The following UNC13B variants were observed in gnomAD, a reference collection of about 807,000 sequenced individuals.
UNC13B encodes the protein unc-13 homolog B.
A neutral mutation model predicts 211.0 loss-of-function variants in UNC13B; 144 were observed. That is an observed-to-expected ratio of 0.68 (90% CI 0.60 to 0.78). The LOEUF (loss-of-function observed/expected upper bound fraction) is 0.78, where lower values mean the gene tolerates loss of function less well. Ranked by LOEUF, UNC13B falls within the 30% of genes least tolerant of loss-of-function variation. The probability of loss-of-function intolerance (pLI) is 0.00; values close to 1 mark genes in which losing one functional copy is unlikely to be tolerated. For missense variants in UNC13B, 1,777 were observed against 2,002.0 expected (o/e 0.89, Z 2.14); for synonymous variants, 709 against 725.8 (o/e 0.98, Z 0.37).
intron 1 of UNC13B, among the ~76,000 whole-genome samples, chr9:35,194,213 A>G (rs1035787621): frequency 4.6e-5 from 7 of 152,180 alleles, no homozygotes; most frequent in Non-Finnish European, 8.8e-5. Context: ...TATCCCCTAC[A>G]ACGTTTCCTG....
intron 11 of UNC13B, among the ~76,000 whole-genome samples, chr9:35,336,043 G>A (rs1396326734): frequency 6.6e-6 from 1 of 151,858 alleles, no homozygotes; most frequent in African/African-American, 2.4e-5. Context: ...TTCTCTGCTT[G>A]CCCCTTAAAA....
intron 6 of UNC13B, among the ~76,000 whole-genome samples, chr9:35,244,482 T>G (rs912027673): frequency 2.6e-5 from 4 of 152,190 alleles, no homozygotes; most frequent in African/African-American, 9.7e-5. Flanking sequence ...ACTGGAAGTC[T>G]GAAATTAGGC....
chr9:35,346,607 A>G (rs1254353093), intron 11 of UNC13B, among the ~76,000 whole-genome samples: 3 of 152,194 alleles, frequency 2.0e-5, no homozygotes, highest in Non-Finnish European at 4.4e-5. Flanking sequence ...TCAAATGCAG[A>G]TAGTCCTTGA....
chr9:35,245,514 A>C (rs2131565912), intron 6 of UNC13B, among the ~76,000 whole-genome samples: 2 of 83,156 alleles, frequency 2.4e-5, no homozygotes, highest in Admixed American at 1.8e-4. Context: ...CCCACCCCAC[A>C]ACAGGCCCCA....
chr9:35,307,471 A>C lies in UNC13B; in HGVS notation c.8067A>C (p.Gln2689His), dbSNP rs1829981517. The change falls in exon 9 of 40, where the codon CAA (glutamine) becomes CAC (histidine). Residue 2689 changes from glutamine (Q) to histidine (H), a missense_variant. Transcript: ENST00000635942. ...EPAIQTASTN[Q>H]DLLELHPASS... ...CTATTCAAACTGCCTCCACAAACCAAGACTTACTGGAGCTGCATCCAGCCA... is the reference window on the plus strand; with the variant it reads ...CTATTCAAACTGCCTCCACAAACCACGACTTACTGGAGCTGCATCCAGCCA... 2.5e-6 allele frequency: 1 copy of C among 399,056 alleles called. No homozygotes were observed. The highest frequency in any genetic ancestry group is 4.4e-6 in the Non-Finnish European group (1 of 226,112). The allele number at this position is 399,056 out of a possible 1,614,324, so 24.7% of individuals were successfully genotyped here. A position where few individuals can be genotyped will look rare whatever the true frequency, so the allele number is the denominator to read the frequency against.
At chr9:35,219,924 T>C (rs1365562030) in intron 1 of UNC13B, among the ~76,000 whole-genome samples, 1 of 152,148 alleles carries the variant, frequency 6.6e-6, no homozygotes, top group East Asian at 1.9e-4. Flanking sequence ...ATGCAGATAT[T>C]CATTCTCTTA....
chr9:35,182,271 T>C (rs909819150), intron 1 of UNC13B, among the ~76,000 whole-genome samples: 29 of 152,092 alleles, frequency 1.9e-4, no homozygotes, highest in African/African-American at 6.3e-4. Context: ...CTTTTTCTCA[T>C]GTTTAACTTA....
At chr9:35,257,079 T>C (rs947592253) in intron 6 of UNC13B, among the ~76,000 whole-genome samples, 3 of 151,944 alleles carry the variant, frequency 2.0e-5, no homozygotes, top group Non-Finnish European at 2.9e-5. Flanking sequence ...CTATGTACTG[T>C]CTACAAAAAT....
chr9:35,195,479 G>T (rs1448271275), intron 1 of UNC13B, among the ~76,000 whole-genome samples: 1 of 42,842 alleles, frequency 2.3e-5, no homozygotes, highest in Non-Finnish European at 4.9e-5. Flanking sequence ...TCCTGAGGCT[G>T]TGTCACAAGC....
At chr9:35,316,475 A>G (rs1830460553) in intron 11 of UNC13B, among the ~76,000 whole-genome samples, 1 of 152,182 alleles carries the variant, frequency 6.6e-6, no homozygotes, top group Admixed American at 6.5e-5. Context: ...GTGAATACAG[A>G]TATTTGAAAA....
At chr9:35,198,984 A>G (rs924590662) in intron 1 of UNC13B, among the ~76,000 whole-genome samples, 4 of 152,256 alleles carry the variant, frequency 2.6e-5, no homozygotes, top group African/African-American at 7.2e-5. Context: ...TACATTACGT[A>G]TAACTCCTAA....
At chr9:35,216,613 A>G (rs921553762) in intron 1 of UNC13B, among the ~76,000 whole-genome samples, 3 of 152,208 alleles carry the variant, frequency 2.0e-5, no homozygotes, top group African/African-American at 4.8e-5. Context: ...GCCACATGCC[A>G]TGGAAAGACC....
At chr9:35,400,149 A>G in intron 36 of UNC13B, 147 bp from the exon 37 acceptor site, 1 of 1,144,786 alleles carries the variant, frequency 8.7e-7, no homozygotes, top group Non-Finnish European at 1.2e-6. Flanking sequence ...CCCAAATAAT[A>G]CTCATCCAAG....
At chr9:35,176,581 C>A (rs997701613) in intron 1 of UNC13B, among the ~76,000 whole-genome samples, 1 of 151,956 alleles carries the variant, frequency 6.6e-6, no homozygotes, top group African/African-American at 2.4e-5. Flanking sequence ...AACAAAAAAA[C>A]CCCACAACTG....
Position 35,162,095 on chromosome 9 carries a change from G to C in UNC13B, c.-189G>C, listed in dbSNP as rs1587259509. 1.1e-5 allele frequency: 9 copies of C among 825,804 alleles called. No homozygotes were observed. The highest frequency in any genetic ancestry group is 7.0e-5 in the African/African-American group (4 of 57,492). The allele number at this position is 825,804 out of a possible 1,614,324, so 51.2% of individuals were successfully genotyped here. A position where few individuals can be genotyped will look rare whatever the true frequency, so the allele number is the denominator to read the frequency against. ...GCCGGCCGGTACTCACCGCTACCCG[G>C]AGTTCGCTCAGACGGTGAGATTTGG... On this transcript the variant is annotated 5_prime_UTR_variant, in exon 1 of 40. Transcript: ENST00000635942.
At chr9:35,266,329 C>G (rs778924233) in intron 7 of UNC13B, among the ~76,000 whole-genome samples, 4 of 152,272 alleles carry the variant, frequency 2.6e-5, no homozygotes, top group Admixed American at 2.0e-4. Context: ...CAATCCTCTG[C>G]GGCCATTTAT....
intron 2 of UNC13B, among the ~76,000 whole-genome samples, chr9:35,229,867 A>G (rs992207261): frequency 6.6e-6 from 1 of 152,166 alleles, no homozygotes; most frequent in Non-Finnish European, 1.5e-5. Context: ...CCATTTTCTC[A>G]TATCTTCTGT....
At chr9:35,341,946 T>G (rs932529896) in intron 11 of UNC13B, 10 of 985,466 alleles carry the variant, frequency 1.0e-5, no homozygotes, top group African/African-American at 8.7e-5. Context: ...CCAGTTGAAG[T>G]TTGGCTGCTG....
Position 35,377,615 on chromosome 9 carries a change from C to T in UNC13B, c.9983C>T (p.Ala3328Val). The change falls in exon 16 of 40, where the codon GCC (alanine) becomes GTC (valine). Residue 3328 changes from alanine to valine, a missense_variant. By Grantham distance (64) the Ala-to-Val change is moderately conservative. Transcript: ENST00000635942. The part of the protein sequence containing the change: ...IRDVFTVNKA[A>V]HVQQMKTVKQ... ...GACGTCTTCACAGTGAACAAAGCTG[C>T]CCATGTGCAGCAGATGAAAACAGTG... is the stretch of plus-strand genomic sequence containing the variant. The T allele has an allele frequency of 1.2e-6, 2 of 1,614,176 alleles. No individual in the cohort carries two copies. The highest frequency in any genetic ancestry group is 1.1e-5 in the South Asian group (1 of 91,074).
Sources: allele counts gnomAD v4.1 joint callset (sites outside exome capture counted in the v4.1 genomes callset), GRCh38; gene constraint gnomAD v4.1.1; transcripts MANE v1.5; gene names NCBI Gene and HGNC (gene_info 2026-07-23, HGNC 2026-07-21).